MCPH1: variants seen among roughly 807,000 people sequenced by gnomAD.
MCPH1 encodes the protein microcephalin.
MCPH1 carries 104 observed loss-of-function variants against 84.5 expected under a neutral mutation model. That is an observed-to-expected ratio of 1.23 (90% CI 1.05 to 1.45). The LOEUF is 1.45. Among genes scored for constraint, MCPH1 ranks in the 40% most tolerant of loss-of-function variants. MCPH1 has a pLI of 0.00. For missense variants in MCPH1, 1,498 were observed against 1,005.7 expected, an observed-to-expected ratio of 1.49 and a Z score of -6.62; for synonymous variants, 514 against 366.8, an observed-to-expected ratio of 1.40 and a Z score of -4.58.
At chr8:6,595,329 A>C (rs888717950) in intron 12 of MCPH1, among the ~76,000 whole-genome samples, 1 of 152,196 alleles carries the variant, frequency 6.6e-6, no homozygotes, top group Non-Finnish European at 1.5e-5. Context: ...CAAACAAGGG[A>C]TAGAAACATG....
intron 4 of MCPH1, among the ~76,000 whole-genome samples, chr8:6,433,576 T>A (rs1324521328): frequency 7.6e-6 from 1 of 132,156 alleles, no homozygotes; most frequent in Non-Finnish European, 1.5e-5. Context: ...GAGGTTGCAG[T>A]GAGCCCAGAT....
At chr8:6,481,432 G>A (rs17613024) in intron 11 of MCPH1, among the ~76,000 whole-genome samples, 20,232 of 152,194 alleles carry the variant, frequency 0.13, 1,533 homozygotes, top group Middle Eastern at 0.26. Flanking sequence ...CATAAAAACT[G>A]AAATGAACTG....
chr8:6,613,561 C>T (rs1033112742), intron 12 of MCPH1, among the ~76,000 whole-genome samples: 2 of 151,604 alleles, frequency 1.3e-5, no homozygotes, highest in African/African-American at 2.4e-5. Context: ...TGGGAGGTGG[C>T]AGCTACGGAG....
chr8:6,428,010 C>T (rs914803810), intron 3 of MCPH1, among the ~76,000 whole-genome samples: 1 of 151,824 alleles, frequency 6.6e-6, no homozygotes, highest in African/African-American at 2.4e-5. Context: ...CCTGGATGGC[C>T]TTGAACCACT....
chr8:6,602,517 G>A (rs1419955984), intron 12 of MCPH1, among the ~76,000 whole-genome samples: 1 of 152,156 alleles, frequency 6.6e-6, no homozygotes, highest in Non-Finnish European at 1.5e-5. Flanking sequence ...AAGGGAGGGT[G>A]TGGGGCTGAG....
At chr8:6,579,530 T>G (rs1827384563) in intron 12 of MCPH1, among the ~76,000 whole-genome samples, 2 of 152,214 alleles carry the variant, frequency 1.3e-5, no homozygotes, top group African/African-American at 4.8e-5. Flanking sequence ...GAAAAGTGCT[T>G]AAGCATTTGT....
chr8:6,429,254 T>C (rs999970023), intron 3 of MCPH1, among the ~76,000 whole-genome samples: 3 of 152,202 alleles, frequency 2.0e-5, no homozygotes, highest in Non-Finnish European at 4.4e-5. Context: ...CTGGTGTCCT[T>C]TGAGTCCAGA....
rs551568213 is a variant in MCPH1, at chr8:6,511,662, T to G, written c.2214+11733T>G. Among the ~76,000 whole-genome samples, 8 of 152,318 alleles carry G rather than the reference T, an allele frequency of 5.3e-5. No individual in the cohort carries two copies. The East Asian group carries it at 1.5e-3, about 29-fold the overall frequency. Reference sequence around the variant, plus strand: ...CTTATCATGCTAGCATCATGTTTTATTAGGATAATAATTTTCGATGTAATA... The same window carrying G: ...CTTATCATGCTAGCATCATGTTTTAGTAGGATAATAATTTTCGATGTAATA... On this transcript the variant is annotated intron_variant, in intron 12 of 13. Transcript: ENST00000344683.
At chr8:6,445,979 C>T (rs921814745) in intron 8 of MCPH1, 7 of 980,020 alleles carry the variant, frequency 7.1e-6, no homozygotes, top group Admixed American at 1.2e-4. Context: ...ATTAAGCCAT[C>T]GATTGTATCA....
rs983966940 is a variant in MCPH1 at position 6,414,904 on chromosome 8, T to A, written c.233+21T>A. On this transcript the variant is annotated intron_variant, in intron 3 of 13. Transcript: ENST00000344683. ...GAAAAGTAAGCAGTTTCTCTCTTAC[T>A]TTTTTTCCTTAAGTATCTAGTATTG... 2.5e-6 allele frequency: 4 copies of A among 1,606,586 alleles called. No individual in the cohort carries two copies. The African/African-American group carries it at 5.4e-5, about 22-fold the overall frequency.
chr8:6,632,829 A>C (rs1797267323), intron 13 of MCPH1, among the ~76,000 whole-genome samples: 2 of 152,104 alleles, frequency 1.3e-5, no homozygotes, highest in African/African-American at 4.8e-5. Flanking sequence ...AAGAAAAAAA[A>C]ACTCAGAAAT....
intron 12 of MCPH1, among the ~76,000 whole-genome samples, chr8:6,506,859 A>G (rs1034453585): frequency 5.9e-5 from 9 of 151,334 alleles, no homozygotes; most frequent in African/African-American, 2.2e-4. Flanking sequence ...ACTGAATTTC[A>G]TATTATTTTC....
chr8:6,511,588 G>A (rs959070507), intron 12 of MCPH1, among the ~76,000 whole-genome samples: 17 of 152,022 alleles, frequency 1.1e-4, no homozygotes, highest in African/African-American at 1.7e-4. Flanking sequence ...TACAACTGGC[G>A]TCTCAAAGCA....
At chr8:6,519,532 T>C (rs550685531) in intron 12 of MCPH1, among the ~76,000 whole-genome samples, 1 of 152,334 alleles carries the variant, frequency 6.6e-6, no homozygotes, top group East Asian at 1.9e-4. Flanking sequence ...TTTTGGAAGA[T>C]ACTTTCTTTA....
At chr8:6,601,623 C>A (rs1829372710) in intron 12 of MCPH1, among the ~76,000 whole-genome samples, 1 of 151,098 alleles carries the variant, frequency 6.6e-6, no homozygotes, top group African/African-American at 2.4e-5. Flanking sequence ...ACCACCCACC[C>A]ACATGCACAC....
intron 13 of MCPH1, among the ~76,000 whole-genome samples, chr8:6,637,139 T>C (rs1188749265): frequency 1.3e-5 from 2 of 152,240 alleles, no homozygotes; most frequent in Non-Finnish European, 2.9e-5. Flanking sequence ...ACACTCGTCA[T>C]ATGCCGAGCA....
chr8:6,536,357 A>G (rs1322972358), intron 12 of MCPH1, among the ~76,000 whole-genome samples: 2 of 152,102 alleles, frequency 1.3e-5, no homozygotes, highest in Non-Finnish European at 2.9e-5. Context: ...GACCCTCAGC[A>G]AAATGTTAGC....
intron 12 of MCPH1, among the ~76,000 whole-genome samples, chr8:6,531,351 C>G (rs1233552333): frequency 6.6e-6 from 1 of 150,936 alleles, no homozygotes; most frequent in Non-Finnish European, 1.5e-5. Flanking sequence ...TGCAGTGGCA[C>G]GATCTCAACT....
intron 11 of MCPH1, among the ~76,000 whole-genome samples, chr8:6,491,357 T>C (rs961631625): frequency 6.7e-6 from 1 of 149,108 alleles, no homozygotes; most frequent in Non-Finnish European, 1.5e-5. Context: ...TAAACAGAAG[T>C]AGAGTCTATG....
Sources: gnomAD v4.1 joint callset for allele counts (sites outside exome capture counted in the v4.1 genomes callset) on GRCh38, gnomAD v4.1.1 for gene constraint, MANE v1.5 for transcripts, NCBI Gene and HGNC (gene_info 2026-07-23, HGNC 2026-07-21) for gene names.